Variants in OPHN1 observed in about 807,000 individuals in gnomAD.
OPHN1 encodes oligophrenin-1.
OPHN1 carries 11 observed loss-of-function variants against 60.7 expected under a neutral mutation model. That is an observed-to-expected ratio of 0.18 (90% CI 0.11 to 0.30). OPHN1 has a LOEUF of 0.30. OPHN1 is among the 10% of genes least tolerant of loss of function. OPHN1 has a pLI of 1.00. For missense variants in OPHN1, 449 were observed against 611.0 expected, an observed-to-expected ratio of 0.73 and a Z score of 2.80; for synonymous variants, 226 against 222.6, an observed-to-expected ratio of 1.02 and a Z score of -0.14.
chrX:68,378,186 G>C (rs1162961921), intron 2 of OPHN1, among the ~76,000 whole-genome samples: 1 of 112,415 alleles, frequency 8.9e-6, no homozygotes, highest in Non-Finnish European at 1.9e-5. Flanking sequence ...GGCCAGTGAT[G>C]ATGAGCATTT....
chrX:68,195,047 GAAGGAAGGAAGGAAGGAAGAAAGA>G (rs2077506667), intron 12 of OPHN1, among the ~76,000 whole-genome samples: 1 of 103,693 alleles, frequency 9.6e-6, no homozygotes, highest in African/African-American at 3.7e-5. Flanking sequence ...AGGAAGGAAG[GAAGGAAGGAAGGAAGGAAGAAAGA>G]AAGAAAATAC....
intron 15 of OPHN1, among the ~76,000 whole-genome samples, chrX:68,189,122 T>C (rs1421016077): frequency 9.0e-6 from 1 of 111,675 alleles, no homozygotes; most frequent in Non-Finnish European, 1.9e-5. Context: ...CTTTCCTGTT[T>C]ATGGCTGCCA....
intron 23 of OPHN1, among the ~76,000 whole-genome samples, chrX:68,049,424 C>T (rs896798413): frequency 3.6e-5 from 4 of 111,747 alleles, no homozygotes; most frequent in South Asian, 3.8e-4. Flanking sequence ...TTCTCTTTCT[C>T]GGTTCATCAA....
intron 2 of OPHN1, 55 bp downstream of exon 2, chrX:68,432,812 T>A: frequency 8.4e-7 from 1 of 1,188,106 alleles, no homozygotes; most frequent in South Asian, 1.8e-5. Flanking sequence ...GTGGAAAGGC[T>A]TAAAGGCCAG....
chrX:68,323,144 TA>T (rs1193937089), intron 2 of OPHN1, among the ~76,000 whole-genome samples: 2 of 112,087 alleles, frequency 1.8e-5, no homozygotes, highest in African/African-American at 6.5e-5. Context: ...ATAAAATGCA[TA>T]GAACGATACA....
intron 3 of OPHN1, among the ~76,000 whole-genome samples, chrX:68,297,570 T>C (rs1281114663): frequency 1.8e-5 from 2 of 112,197 alleles, no homozygotes; most frequent in Non-Finnish European, 3.8e-5. Flanking sequence ...ATATTACTTA[T>C]AATAGTGAAA....
intron 15 of OPHN1, among the ~76,000 whole-genome samples, chrX:68,185,479 T>C (rs1295162942): frequency 9.0e-6 from 1 of 111,693 alleles, no homozygotes; most frequent in Non-Finnish European, 1.9e-5. Context: ...ATTTTGTAAA[T>C]GCAGTTTTCC....
chrX:68,260,944 C>T (rs1382014768), intron 5 of OPHN1, among the ~76,000 whole-genome samples: 3 of 111,814 alleles, frequency 2.7e-5, no homozygotes, highest in Admixed American at 9.5e-5. Context: ...ATCTTTGATA[C>T]GTTTTCAGTC....
intron 15 of OPHN1, among the ~76,000 whole-genome samples, chrX:68,160,860 C>T (rs207478406): frequency 1.8e-5 from 2 of 109,818 alleles, no homozygotes; most frequent in South Asian, 7.7e-4. Flanking sequence ...TACCTTAAGG[C>T]CCTGGGAAAA....
intron 15 of OPHN1, among the ~76,000 whole-genome samples, chrX:68,156,121 G>T (rs2077308056): frequency 1.8e-5 from 2 of 110,661 alleles, no homozygotes; most frequent in Non-Finnish European, 3.8e-5. Context: ...TTAGGGGAAA[G>T]ATATGCATTT....
intron 2 of OPHN1, among the ~76,000 whole-genome samples, chrX:68,388,744 A>G (rs1909572378): frequency 9.0e-6 from 1 of 111,404 alleles, no homozygotes; most frequent in Admixed American, 9.6e-5. Context: ...GGGCATAGAT[A>G]TAACAGATTG....
intron 16 of OPHN1, among the ~76,000 whole-genome samples, chrX:68,118,696 A>T (rs2077137631): frequency 1.8e-5 from 2 of 112,287 alleles, no homozygotes; most frequent in South Asian, 3.7e-4. Flanking sequence ...AATATTGCAC[A>T]TTCCCAAATT....
chrX:68,245,269 C>T (rs772463961), intron 5 of OPHN1, among the ~76,000 whole-genome samples: 1 of 111,517 alleles, frequency 9.0e-6, no homozygotes, highest in Non-Finnish European at 1.9e-5. Context: ...CCTGCAGTCT[C>T]ACGCCAATCT....
intron 2 of OPHN1, among the ~76,000 whole-genome samples, chrX:68,393,180 C>T (rs1002189135): frequency 6.2e-5 from 7 of 112,830 alleles, no homozygotes; most frequent in Non-Finnish European, 1.1e-4. Flanking sequence ...AGCCACACCT[C>T]TGTTGCATGT....
At chrX:68,237,944 G>A (rs189316031) in intron 5 of OPHN1, among the ~76,000 whole-genome samples, 166 of 112,296 alleles carry the variant, frequency 1.5e-3, no homozygotes, top group Non-Finnish European at 2.2e-3. Flanking sequence ...TACCATAGAG[G>A]AAAAGATTTT....
chrX:68,070,749 A>AC lies in OPHN1; in HGVS notation c.1834+2402dup. On this transcript the variant is annotated intron_variant, in intron 20 of 24. Coordinates refer to ENST00000355520, the MANE Select transcript of OPHN1 (RefSeq NM_002547.3). ...CTGGGCAAAAGCTTCCCATTCAAATACCCCCCACAGGACCATTCCACACAA... is the reference window on the plus strand; with the variant it reads ...CTGGGCAAAAGCTTCCCATTCAAATACCCCCCCACAGGACCATTCCACACAA... The AC allele has an allele frequency of 4.4e-6, 5 of 1,127,772 alleles. No individual in the cohort carries two copies. In the South Asian group the frequency reaches 9.1e-5, roughly 20 times the overall value. The allele number at this position is 1,127,772 out of a possible 1,213,427, so 92.9% of individuals were successfully genotyped here.
chrX:68,429,985 C>T (rs148442969), intron 2 of OPHN1, among the ~76,000 whole-genome samples: 6 of 109,840 alleles, frequency 5.5e-5, no homozygotes, highest in Non-Finnish European at 9.5e-5. Context: ...CAGTGAACTG[C>T]GATCATGCCA....
intron 2 of OPHN1, among the ~76,000 whole-genome samples, chrX:68,349,609 G>A (rs757156064): frequency 8.1e-5 from 9 of 111,756 alleles, no homozygotes; most frequent in African/African-American, 1.3e-4. Flanking sequence ...ACATGCACAC[G>A]TATGTTTATT....
At position 68,093,212 on chromosome X, in the gene OPHN1, T is replaced by C. The variant is rs1168800055; in HGVS notation, c.1686+3658A>G. ...TAACAAAGATCTAGAGGTGGTAAAG[T>C]ATACATTTGAACTGCCTGATTTCAA... On this transcript the variant is annotated intron_variant, in intron 19 of 24. Coordinates refer to ENST00000355520, the MANE Select transcript of OPHN1 (RefSeq NM_002547.3). Among the ~76,000 whole-genome samples the C allele has an allele frequency of 2.7e-5, 3 of 111,423 alleles. 1 individual carries two copies. The Admixed American group carries it at 2.9e-4, about 11-fold the overall frequency.
Sources: gnomAD v4.1 joint callset for allele counts (sites outside exome capture counted in the v4.1 genomes callset) on GRCh38, gnomAD v4.1.1 for gene constraint, MANE v1.5 for transcripts, NCBI Gene and HGNC (gene_info 2026-07-23, HGNC 2026-07-21) for gene names.